SLC35F4: variants seen among roughly 807,000 people sequenced by gnomAD.
SLC35F4 encodes solute carrier family 35 member F4.
A neutral mutation model predicts 44.2 loss-of-function variants in SLC35F4; 24 were observed. The observed-to-expected ratio is 0.54, with a 90% CI of 0.39 to 0.76. The LOEUF (loss-of-function observed/expected upper bound fraction) is 0.76, where lower values mean the gene tolerates loss of function less well. Among genes scored for constraint, SLC35F4 ranks in the 30% least tolerant of loss-of-function variants. SLC35F4 has a pLI of 0.00. For missense variants in SLC35F4, 562 were observed against 586.1 expected (o/e 0.96, Z 0.42); for synonymous variants, 238 against 223.6 (o/e 1.06, Z -0.57).
At chr14:57,820,315 C>T (rs1454890285) in intron 1 of SLC35F4, among the ~76,000 whole-genome samples, 1 of 152,096 alleles carries the variant, frequency 6.6e-6, no homozygotes, top group African/African-American at 2.4e-5. Flanking sequence ...ACTGATCGCT[C>T]TAAATAAATG....
chr14:57,601,161 T>C (rs2070803883), intron 1 of SLC35F4, among the ~76,000 whole-genome samples: 1 of 151,792 alleles, frequency 6.6e-6, no homozygotes, highest in Non-Finnish European at 1.5e-5. Flanking sequence ...ATGCCTTATA[T>C]ATTTTATATT....
intron 1 of SLC35F4, among the ~76,000 whole-genome samples, chr14:57,670,640 T>C (rs2074484499): frequency 6.6e-6 from 1 of 152,024 alleles, no homozygotes; most frequent in African/African-American, 2.4e-5. Context: ...AGTTGAGCGG[T>C]TTTGAGTGAG....
chr14:57,973,264 A>C (rs1471084291), downstream of SLC35F4, among the ~76,000 whole-genome samples: 1 of 152,226 alleles, frequency 6.6e-6, no homozygotes, highest in African/African-American at 2.4e-5. Context: ...TTATATGGGA[A>C]TAATTGGTCT....
chr14:57,883,407 C>T (rs1352893085), intron 1 of SLC35F4, among the ~76,000 whole-genome samples: 6 of 152,132 alleles, frequency 3.9e-5, no homozygotes, highest in Non-Finnish European at 5.9e-5. Flanking sequence ...CTCAAAAGCT[C>T]CATCACGCAA....
At chr14:57,921,417 T>C (rs1325105690) in intron 1 of SLC35F4, among the ~76,000 whole-genome samples, 1 of 152,222 alleles carries the variant, frequency 6.6e-6, no homozygotes, top group East Asian at 1.9e-4. Flanking sequence ...TCTTGGGCAG[T>C]TATTTTACCT....
At chr14:57,815,805 A>G (rs1882500439) in intron 1 of SLC35F4, among the ~76,000 whole-genome samples, 2 of 152,176 alleles carry the variant, frequency 1.3e-5, no homozygotes, top group South Asian at 4.1e-4. Flanking sequence ...GCCAGCAATA[A>G]CTTTTCTTAC....
intron 4 of SLC35F4, chr14:57,580,651 T>C: frequency 5.0e-6 from 1 of 199,078 alleles, no homozygotes; most frequent in Non-Finnish European, 1.1e-5. Context: ...TGCAGTTCAA[T>C]TAAGGATTTG....
chr14:57,824,787 T>C (rs1292622846), intron 1 of SLC35F4, among the ~76,000 whole-genome samples: 6 of 152,174 alleles, frequency 3.9e-5, no homozygotes, highest in Non-Finnish European at 7.4e-5. Context: ...AAGTAGTTGA[T>C]TGTGTGCTCA....
chr14:57,684,954 A>G (rs912170872), intron 1 of SLC35F4, among the ~76,000 whole-genome samples: 1 of 152,190 alleles, frequency 6.6e-6, no homozygotes, highest in African/African-American at 2.4e-5. Context: ...CTTACAGGAT[A>G]ATTAGCCCTT....
At chr14:57,851,948 A>C (rs1233643373) in intron 1 of SLC35F4, among the ~76,000 whole-genome samples, 1 of 152,228 alleles carries the variant, frequency 6.6e-6, no homozygotes. Flanking sequence ...TATCTTGGAA[A>C]AAAGAAGCCT....
At chr14:57,656,202 C>T (rs192417833) in intron 1 of SLC35F4, among the ~76,000 whole-genome samples, 1 of 151,820 alleles carries the variant, frequency 6.6e-6, no homozygotes, top group East Asian at 1.9e-4. Flanking sequence ...CTACTGGTTT[C>T]GTGTGTGTGT....
intron 6 of SLC35F4, among the ~76,000 whole-genome samples, chr14:57,566,866 T>C (rs1477824084): frequency 1.3e-5 from 2 of 152,240 alleles, no homozygotes; most frequent in African/African-American, 4.8e-5. Context: ...TAAAGGTAGA[T>C]TGGGGCCAGC....
At chr14:57,618,056 A>C (rs2071951647) in intron 1 of SLC35F4, among the ~76,000 whole-genome samples, 1 of 152,176 alleles carries the variant, frequency 6.6e-6, no homozygotes, top group Non-Finnish European at 1.5e-5. Flanking sequence ...CAGTAATAAA[A>C]TCATATCAAG....
chr14:57,717,831 C>T (rs1037380232), intron 1 of SLC35F4, among the ~76,000 whole-genome samples: 7 of 152,290 alleles, frequency 4.6e-5, no homozygotes, highest in African/African-American at 1.4e-4. Context: ...TATCCATCCC[C>T]TCAAGCATTT....
intron 1 of SLC35F4, among the ~76,000 whole-genome samples, chr14:57,800,590 A>G (rs1320743481): frequency 1.3e-5 from 2 of 152,284 alleles, no homozygotes; most frequent in East Asian, 1.9e-4. Context: ...GGCATGTTGT[A>G]TCCCAATGCA....
At chr14:57,833,752 A>T (rs932350819) in intron 1 of SLC35F4, among the ~76,000 whole-genome samples, 1 of 152,210 alleles carries the variant, frequency 6.6e-6, no homozygotes, top group Non-Finnish European at 1.5e-5. Flanking sequence ...TTTGCTCATT[A>T]GGGTAGCTGT....
intron 1 of SLC35F4, among the ~76,000 whole-genome samples, chr14:57,958,551 T>A (rs1594653694): frequency 6.7e-6 from 1 of 149,540 alleles, no homozygotes; most frequent in Admixed American, 6.6e-5. Flanking sequence ...TTTCTAGGGG[T>A]TGAAAGTGTT....
intron 1 of SLC35F4, among the ~76,000 whole-genome samples, chr14:57,944,744 AAAG>A (rs1566508839): frequency 6.8e-6 from 1 of 146,088 alleles, no homozygotes; most frequent in Admixed American, 6.8e-5. Flanking sequence ...AGAAAGAAAG[AAAG>A]AAAGAAGAAA....
chr14:57,811,049 C>G (rs1268588106), intron 1 of SLC35F4, among the ~76,000 whole-genome samples: 1 of 152,152 alleles, frequency 6.6e-6, no homozygotes, highest in Non-Finnish European at 1.5e-5. Flanking sequence ...CACTGGGTAA[C>G]AGAGACCTCT....
Sources: allele counts gnomAD v4.1 joint callset (sites outside exome capture counted in the v4.1 genomes callset), GRCh38; gene constraint gnomAD v4.1.1; transcripts MANE v1.5; gene names NCBI Gene and HGNC (gene_info 2026-07-23, HGNC 2026-07-21).